The following GREB1L variants were observed in gnomAD, a reference collection of about 807,000 sequenced individuals.
GREB1L encodes GREB1 like retinoic acid receptor coactivator.
A neutral mutation model predicts 200.8 loss-of-function variants in GREB1L; 17 were observed. The ratio of observed to expected loss-of-function variants is 0.08; its 90% CI spans 0.06 to 0.13. The LOEUF is 0.13. GREB1L is among the 10% of genes least tolerant of loss of function. The probability of loss-of-function intolerance (pLI) is 1.00; values close to 1 mark genes in which losing one functional copy is unlikely to be tolerated. For missense variants in GREB1L, 1,657 were observed against 2,367.7 expected, an observed-to-expected ratio of 0.70 and a Z score of 6.23; for synonymous variants, 789 against 893.0, an observed-to-expected ratio of 0.88 and a Z score of 2.08.
rs140381910 is a variant in GREB1L at position 21,427,718 on chromosome 18, A to G, written c.833-11803A>G. On this transcript the variant is annotated intron_variant, in intron 7 of 32. Transcript: ENST00000424526. The stretch of plus-strand genomic sequence containing the variant: ...ATCTTCTGTCCTGAAGCCTTGGTGA[A>G]CTCATTTATTAGCTCTAGTAGTTTT... Among the ~76,000 whole-genome samples the G allele has an allele frequency of 3.9e-5, 6 of 152,216 alleles. No individual in the cohort carries two copies. The East Asian group carries it at 1.2e-3, about 29-fold the overall frequency.
chr18:21,280,576 A>G (rs1265734938), intron 1 of GREB1L, among the ~76,000 whole-genome samples: 1 of 152,022 alleles, frequency 6.6e-6, no homozygotes, highest in Non-Finnish European at 1.5e-5. Flanking sequence ...AAGTATATGT[A>G]TTTATATCTA....
rs2037609756 is a variant in GREB1L, at chr18:21,522,004, C to CAAAAAAAGAAAAAA, written c.5609-647_5609-646insGAAAAAAAAAAAAA. 6.5e-5 allele frequency among the ~76,000 whole-genome samples: 2 copies of CAAAAAAAGAAAAAA among 30,984 alleles called. 1 individual carries two copies. The highest frequency in any genetic ancestry group is 2.4e-4 in the African/African-American group (2 of 8,258). The allele number at this position is 30,984 out of a possible 152,430, so 20.3% of individuals were successfully genotyped here. A position where few individuals can be genotyped will look rare whatever the true frequency, so the allele number is the denominator to read the frequency against. ...GGGCAACAGAGGAAGACTCCGTCTC[C>CAAAAAAAGAAAAAA]AAAAAAAAAAAAGGTAAGACACAGA... is the stretch of plus-strand genomic sequence containing the variant. On this transcript the variant is annotated intron_variant, in intron 32 of 32. Coordinates refer to ENST00000424526, the MANE Select transcript of GREB1L (RefSeq NM_001142966.3).
At chr18:21,417,246 G>T (rs2031725513) in intron 7 of GREB1L, among the ~76,000 whole-genome samples, 1 of 152,056 alleles carries the variant, frequency 6.6e-6, no homozygotes, top group African/African-American at 2.4e-5. Flanking sequence ...TTTTGGCCAG[G>T]TGCGGTGGCT....
chr18:21,277,881 T>A (rs191562734), intron 1 of GREB1L, among the ~76,000 whole-genome samples: 103 of 152,254 alleles, frequency 6.8e-4, no homozygotes, highest in African/African-American at 2.5e-3. Flanking sequence ...TCCGGTACAT[T>A]GAGTCTGCTC....
chr18:21,373,614 C>T (rs1044053421), intron 2 of GREB1L, among the ~76,000 whole-genome samples: 4 of 152,048 alleles, frequency 2.6e-5, no homozygotes, highest in African/African-American at 7.2e-5. Flanking sequence ...GATTCCAGGC[C>T]GTGAGCCACT....
chr18:21,508,878 G>A (rs1229992261), intron 27 of GREB1L, among the ~76,000 whole-genome samples: 1 of 152,126 alleles, frequency 6.6e-6, no homozygotes, highest in East Asian at 1.9e-4. Flanking sequence ...CCCCATGTAG[G>A]CTGCAAATGT....
rs148477677 is a variant in GREB1L, at chr18:21,449,820, T to C, written c.1704T>C (p.Phe568=). 158 of 1,539,038 alleles carry C rather than the reference T, an allele frequency of 1.0e-4. No homozygotes were observed. The African/African-American group carries it at 2.1e-3, about 21-fold the overall frequency. ...CATCGAAAATCAGAGGAAATGAATT[T>C]TGTGTGGTAGTGTTAGGTGAGTAAT... ...ICASKIRGNE[F]CVVVLGQHQS... is the part of the protein sequence containing the mutation. The change falls in exon 12 of 33, where the codon TTT becomes TTC. Residue 568 remains phenylalanine, a synonymous_variant. Transcript: ENST00000424526.
intron 16 of GREB1L, among the ~76,000 whole-genome samples, chr18:21,475,550 G>A (rs1420123867): frequency 6.6e-6 from 1 of 151,948 alleles, no homozygotes; most frequent in East Asian, 2.0e-4. Context: ...TAGAGATGGG[G>A]TTTCAACATC....
chr18:21,429,291 C>CCCTCTCCTCTCCTCT, intron 7 of GREB1L, among the ~76,000 whole-genome samples: 1 of 118,946 alleles, frequency 8.4e-6, no homozygotes, highest in Admixed American at 8.7e-5. Context: ...TCCTCCCCTC[C>CCCTCTCCTCTCCTCT]CCTCTCCTCT....
chr18:21,321,874 A>C (rs1266325588), intron 1 of GREB1L, among the ~76,000 whole-genome samples: 4 of 152,216 alleles, frequency 2.6e-5, no homozygotes, highest in African/African-American at 9.6e-5. Flanking sequence ...AAAGTAACAA[A>C]AGATGGATGT....
At chr18:21,349,518 G>A (rs547216168) in intron 1 of GREB1L, among the ~76,000 whole-genome samples, 4 of 152,178 alleles carry the variant, frequency 2.6e-5, no homozygotes, top group African/African-American at 7.2e-5. Context: ...CCCTGGCCAC[G>A]TGGCCTGTTA....
intron 1 of GREB1L, among the ~76,000 whole-genome samples, chr18:21,268,568 T>TATATATATATATATATATATATAC (rs1567914868): frequency 2.1e-5 from 2 of 97,416 alleles, no homozygotes; most frequent in East Asian, 2.6e-4. Context: ...CACATATATA[T>TATATATATATATATATATATATAC]ATATATATAT....
chr18:21,399,056 T>G (rs996263077), intron 5 of GREB1L, among the ~76,000 whole-genome samples: 4 of 152,198 alleles, frequency 2.6e-5, no homozygotes, highest in Non-Finnish European at 5.9e-5. Context: ...TTCAGACCCA[T>G]GGCTTTTCTT....
At chr18:21,349,478 C>T (rs796438236) in intron 1 of GREB1L, among the ~76,000 whole-genome samples, 14 of 152,274 alleles carry the variant, frequency 9.2e-5, no homozygotes, top group African/African-American at 3.4e-4. Context: ...TGAATTCCTA[C>T]TTTGTCCTTT....
intron 1 of GREB1L, among the ~76,000 whole-genome samples, chr18:21,337,217 A>T (rs551853658): frequency 1.4e-4 from 21 of 152,292 alleles, no homozygotes; most frequent in Non-Finnish European, 2.6e-4. Context: ...TTCAGATCCT[A>T]AGCATACTGT....
chr18:21,245,741 G>A (rs1317045536), intron 1 of GREB1L, among the ~76,000 whole-genome samples: 7 of 150,230 alleles, frequency 4.7e-5, no homozygotes, highest in African/African-American at 1.8e-4. Flanking sequence ...TGTTTGAGAC[G>A]AAGTCTTGCT....
intron 7 of GREB1L, among the ~76,000 whole-genome samples, chr18:21,418,122 T>C (rs2031820101): frequency 6.6e-6 from 1 of 152,142 alleles, no homozygotes; most frequent in African/African-American, 2.4e-5. Flanking sequence ...TATAATACAT[T>C]TAAAAGTAAA....
At chr18:21,288,434 C>T (rs2038393304) in intron 1 of GREB1L, among the ~76,000 whole-genome samples, 2 of 152,012 alleles carry the variant, frequency 1.3e-5, no homozygotes, top group South Asian at 4.1e-4. Flanking sequence ...GACCAGTCAG[C>T]ACCAGTAATT....
intron 1 of GREB1L, among the ~76,000 whole-genome samples, chr18:21,278,829 T>C (rs1435634112): frequency 6.6e-6 from 1 of 152,202 alleles, no homozygotes; most frequent in Non-Finnish European, 1.5e-5. Context: ...CAGATTGTCT[T>C]AATGTCAATG....
Sources: allele counts gnomAD v4.1 joint callset (sites outside exome capture counted in the v4.1 genomes callset), GRCh38; gene constraint gnomAD v4.1.1; transcripts MANE v1.5; gene names NCBI Gene and HGNC (gene_info 2026-07-23, HGNC 2026-07-21).